UBLCP1: variants seen among roughly 807,000 people sequenced by gnomAD.
UBLCP1 encodes the protein ubiquitin-like domain-containing CTD phosphatase 1.
A neutral mutation model predicts 42.4 loss-of-function variants in UBLCP1; 28 were observed. The ratio of observed to expected loss-of-function variants is 0.66; its 90% confidence interval spans 0.49 to 0.90. The LOEUF is 0.90. Ranked by LOEUF, UBLCP1 falls within the 40% of genes least tolerant of loss-of-function variation. The probability of loss-of-function intolerance (pLI) is 0.00; values close to 1 mark genes in which losing one functional copy is unlikely to be tolerated. For synonymous variants in UBLCP1, 122 were observed against 120.8 expected (o/e 1.01, Z -0.07); for missense variants, 279 against 374.5 (o/e 0.75, Z 2.10).
intron 1 of UBLCP1, among the ~76,000 whole-genome samples, chr5:159,266,221 A>G (rs1753389215): frequency 6.6e-6 from 1 of 152,230 alleles, no homozygotes; most frequent in Admixed American, 6.5e-5. Context: ...ATGAACCATA[A>G]GGTCCAGGCT....
At chr5:159,282,036 A>C (rs921265750) in intron 9 of UBLCP1, among the ~76,000 whole-genome samples, 1 of 152,152 alleles carries the variant, frequency 6.6e-6, no homozygotes, top group Non-Finnish European at 1.5e-5. Context: ...ATGTAAACAG[A>C]ACTATATAAA....
intron 3 of UBLCP1, 89 bp downstream of exon 3, chr5:159,270,088 A>C: frequency 8.5e-7 from 1 of 1,171,980 alleles, no homozygotes; most frequent in Non-Finnish European, 1.2e-6. Flanking sequence ...ATTGTGGTAA[A>C]ATTGTCAGTC....
At chr5:159,281,468 C>G (rs1014346007) in intron 9 of UBLCP1, among the ~76,000 whole-genome samples, 1 of 152,186 alleles carries the variant, frequency 6.6e-6, no homozygotes, top group Admixed American at 6.5e-5. Context: ...CCCACATTCA[C>G]TGCTGCTCGG....
At chr5:159,274,425 T>C (rs1753509197) in intron 6 of UBLCP1, 160 bp from the exon 7 acceptor site, 3 of 539,312 alleles carry the variant, frequency 5.6e-6, no homozygotes, top group African/African-American at 3.9e-5. Flanking sequence ...AAGTTTACTT[T>C]TATCAATATT....
At chr5:159,279,278 G>C (rs1037924990) in intron 9 of UBLCP1, among the ~76,000 whole-genome samples, 9 of 152,200 alleles carry the variant, frequency 5.9e-5, no homozygotes, top group Non-Finnish European at 1.2e-4. Context: ...GACAATCTTA[G>C]CATGCAACTG....
At chr5:159,274,511 C>A in intron 6 of UBLCP1, 74 bp from the exon 7 acceptor site, 1 of 1,340,498 alleles carries the variant, frequency 7.5e-7, no homozygotes, top group Non-Finnish European at 1.0e-6. Context: ...GCTTAGAAAA[C>A]TTACTTATAC....
At chr5:159,270,066 A>G in intron 3 of UBLCP1, 67 bp downstream of exon 3, 4 of 1,325,256 alleles carry the variant, frequency 3.0e-6, no homozygotes, top group African/African-American at 1.5e-5. Flanking sequence ...ACACTGTTGT[A>G]TTATAGTTTT....
rs1371635606 is a variant in UBLCP1 at position 159,285,223 on chromosome 5, C to G, written c.*292C>G. On this transcript the variant is annotated 3_prime_UTR_variant, in exon 11 of 11. Transcript: ENST00000296786. ...ACACACACACACACACACACACACA[C>G]ACACACACACACACACACACAAAGT... 3.9e-6 allele frequency: 1 copy of G among 258,382 alleles called. No homozygotes were observed. The highest frequency in any genetic ancestry group is 2.4e-5 in the African/African-American group (1 of 41,224). The allele number at this position is 258,382 out of a possible 1,614,324, so 16.0% of individuals were successfully genotyped here.
intron 1 of UBLCP1, 103 bp from the exon 2 acceptor site, chr5:159,268,767 A>G (rs1753427738): frequency 6.1e-6 from 5 of 817,896 alleles, no homozygotes; most frequent in Non-Finnish European, 9.1e-6. Flanking sequence ...CCTCTCTATC[A>G]TAAGTTGTAA....
rs570719761 is a variant in UBLCP1, at chr5:159,266,065, C to T, written c.-47+2705C>T. On this transcript the variant is annotated intron_variant, in intron 1 of 10. Coordinates refer to ENST00000296786, the MANE Select transcript of UBLCP1 (RefSeq NM_145049.5). ...AGTGGGGCATTGCTGAAAAGATACCCGAAAACGTGGAAGCAACTTTGGAAC... is the reference window on the plus strand; with the variant it reads ...AGTGGGGCATTGCTGAAAAGATACCTGAAAACGTGGAAGCAACTTTGGAAC... Among the ~76,000 whole-genome samples, 13 of 152,196 alleles carry T rather than the reference C, an allele frequency of 8.5e-5. No individual in the cohort carries two copies. In the East Asian group the frequency reaches 1.4e-3, roughly 16 times the overall value.
At chr5:159,275,869 G>A (rs868402433) in intron 8 of UBLCP1, among the ~76,000 whole-genome samples, 34 of 152,240 alleles carry the variant, frequency 2.2e-4, no homozygotes, top group African/African-American at 7.9e-4. Flanking sequence ...TATCAAGGAA[G>A]ATACTAGAAA....
rs1005625979 is a variant in UBLCP1 at position 159,285,131 on chromosome 5, G to A, written c.*200G>A. 68 of 477,730 alleles carry A rather than the reference G, an allele frequency of 1.4e-4. No homozygotes were observed. The highest frequency in any genetic ancestry group is 2.2e-4 in the Non-Finnish European group (58 of 266,690). The allele number at this position is 477,730 out of a possible 1,614,324, so 29.6% of individuals were successfully genotyped here. A position where few individuals can be genotyped will look rare whatever the true frequency, so the allele number is the denominator to read the frequency against. ...GCTAAAAAATGCTTGTCCCCTATAT[G>A]AATATTCTGTTACGCTTGAAAAATA... On this transcript the variant is annotated 3_prime_UTR_variant, in exon 11 of 11. Transcript: ENST00000296786.
chr5:159,280,737 A>C (rs1484595820), intron 9 of UBLCP1, among the ~76,000 whole-genome samples: 1 of 152,202 alleles, frequency 6.6e-6, no homozygotes, highest in Non-Finnish European at 1.5e-5. Flanking sequence ...AAAATAGTTA[A>C]CTTCTATTAA....
intron 2 of UBLCP1, 77 bp downstream of exon 2, chr5:159,269,146 T>C: frequency 2.7e-6 from 3 of 1,118,404 alleles, no homozygotes; most frequent in Non-Finnish European, 3.6e-6. Flanking sequence ...TTGAATATAA[T>C]TGTTTAATAA....
intron 6 of UBLCP1, among the ~76,000 whole-genome samples, chr5:159,273,318 A>G (rs2113315170): frequency 6.6e-6 from 1 of 152,328 alleles, no homozygotes; most frequent in South Asian, 2.1e-4. Context: ...AGAACCTTTT[A>G]CAATAGTATA....
At chr5:159,284,253 C>G (rs1001950951) in intron 10 of UBLCP1, among the ~76,000 whole-genome samples, 2 of 152,084 alleles carry the variant, frequency 1.3e-5, no homozygotes, top group Non-Finnish European at 2.9e-5. Flanking sequence ...ATTGTACCAG[C>G]AAAACATGTC....
At position 159,270,459 on chromosome 5, in the gene UBLCP1, G is replaced by A. The variant is rs377090243; in HGVS notation, c.332+14G>A. 2.7e-5 allele frequency: 44 copies of A among 1,610,524 alleles called. No homozygotes were observed. The highest frequency in any genetic ancestry group is 1.7e-4 in the Middle Eastern group (1 of 6,060). On this transcript the variant is annotated intron_variant, in intron 4 of 10. Transcript: ENST00000296786. ...AGTAGAAAATAGGTAAGTGCTTTTC[G>A]CTTTAGAAGTAATCAGTTGTCATGT... is the stretch of plus-strand genomic sequence containing the variant.
chr5:159,281,943 T>A (rs942439988), intron 9 of UBLCP1, among the ~76,000 whole-genome samples: 2 of 151,958 alleles, frequency 1.3e-5, no homozygotes. Flanking sequence ...TATGATGAAA[T>A]CAGTCCTTAC....
At chr5:159,280,452 G>A (rs1178099084) in intron 9 of UBLCP1, among the ~76,000 whole-genome samples, 5 of 152,136 alleles carry the variant, frequency 3.3e-5, no homozygotes, top group East Asian at 3.9e-4. Context: ...ACAGGCGCAC[G>A]TTACCACACC....
Sources: gnomAD v4.1 joint callset for allele counts (sites outside exome capture counted in the v4.1 genomes callset) on GRCh38, gnomAD v4.1.1 for gene constraint, MANE v1.5 for transcripts, NCBI Gene and HGNC (gene_info 2026-07-23, HGNC 2026-07-21) for gene names.